Variants in PBX1 observed in about 807,000 individuals in gnomAD.
PBX1 encodes the protein PBX homeobox 1, also known as pre-B-cell leukemia transcription factor 1.
In PBX1, 6 loss-of-function variants were observed where a neutral mutation model predicts 53.4. The observed-to-expected ratio is 0.11, with a 90% CI of 0.06 to 0.22. The LOEUF (loss-of-function observed/expected upper bound fraction) is 0.22. Among genes scored for constraint, PBX1 ranks in the 10% least tolerant of loss-of-function variants. The pLI is 1.00. For synonymous variants in PBX1, 204 were observed against 212.3 expected, an observed-to-expected ratio of 0.96 and a Z score of 0.34; for missense variants, 251 against 551.4, an observed-to-expected ratio of 0.46 and a Z score of 5.46.
At chr1:164,721,459 A>G (rs1664402376) in intron 2 of PBX1, among the ~76,000 whole-genome samples, 1 of 152,012 alleles carries the variant, frequency 6.6e-6, no homozygotes, top group Non-Finnish European at 1.5e-5. Context: ...GTATTTTCTT[A>G]TACAGGACTG....
intron 2 of PBX1, among the ~76,000 whole-genome samples, chr1:164,631,779 G>A (rs1658425756): frequency 6.6e-6 from 1 of 152,212 alleles, no homozygotes; most frequent in Non-Finnish European, 1.5e-5. Flanking sequence ...ATTGTAGCAC[G>A]TGAAGGAAAT....
At chr1:164,578,146 T>C (rs1051746765) in intron 2 of PBX1, among the ~76,000 whole-genome samples, 2 of 152,146 alleles carry the variant, frequency 1.3e-5, no homozygotes, top group Non-Finnish European at 1.5e-5. Context: ...TCCATTTGGG[T>C]ATAAGTATGC....
At chr1:164,797,653 G>A (rs554038955) in intron 3 of PBX1, among the ~76,000 whole-genome samples, 71 of 152,200 alleles carry the variant, frequency 4.7e-4, no homozygotes, top group South Asian at 1.0e-3. Context: ...TTTACCAAGA[G>A]GGAAATTGAA....
chr1:164,622,305 AGGATGCTTCCGGT>A (rs1657734777), intron 2 of PBX1, among the ~76,000 whole-genome samples: 1 of 152,156 alleles, frequency 6.6e-6, no homozygotes, highest in African/African-American at 2.4e-5. Flanking sequence ...GTGAGTGCCT[AGGATGCTTCCGGT>A]GGATCTGTGT....
chr1:164,629,758 T>A (rs1658289624), intron 2 of PBX1, among the ~76,000 whole-genome samples: 1 of 152,236 alleles, frequency 6.6e-6, no homozygotes. Flanking sequence ...GGAGACCTCA[T>A]CTGGCAAATG....
Position 164,848,147 on chromosome 1 carries a change from T to C in PBX1, c.*1471T>C. 1 of 1,050,574 alleles carries C rather than the reference T, an allele frequency of 9.5e-7. No homozygotes were observed. Among genetic ancestry groups the C allele is most frequent in the Non-Finnish European group, 1.1e-6 (1 of 870,036 alleles). 65.1% of individuals were successfully genotyped at this position (1,050,574 alleles called of 1,614,324 possible). A position where few individuals can be genotyped will look rare whatever the true frequency, so the allele number is the denominator to read the frequency against. The stretch of plus-strand genomic sequence containing the variant: ...TCATGGGGAAAGGGAAGGTAATGTT[T>C]TCATTGAAATCATCACAGTGATTTT... On this transcript the variant is annotated 3_prime_UTR_variant, in exon 9 of 9. Transcript: ENST00000420696.
intron 2 of PBX1, among the ~76,000 whole-genome samples, chr1:164,865,772 A>G (rs1313563377): frequency 6.6e-6 from 1 of 152,144 alleles, no homozygotes; most frequent in African/African-American, 2.4e-5. Context: ...TGCTCTACAT[A>G]TCTATTGTCC....
At chr1:164,577,889 G>T (rs1654363312) in intron 2 of PBX1, among the ~76,000 whole-genome samples, 1 of 152,204 alleles carries the variant, frequency 6.6e-6, no homozygotes, top group African/African-American at 2.4e-5. Flanking sequence ...GGACGAAAGG[G>T]TTATTATGTA....
At chr1:164,879,871 A>G (rs1481676767) in intron 2 of PBX1, among the ~76,000 whole-genome samples, 1 of 152,134 alleles carries the variant, frequency 6.6e-6, no homozygotes, top group Non-Finnish European at 1.5e-5. Flanking sequence ...CTTAAGGGGG[A>G]AAAGAACCCT....
At chr1:164,621,399 A>C (rs1187659894) in intron 2 of PBX1, among the ~76,000 whole-genome samples, 1 of 152,186 alleles carries the variant, frequency 6.6e-6, no homozygotes, top group African/African-American at 2.4e-5. Context: ...AGAAACTATT[A>C]TGAACATTTT....
intron 8 of PBX1, among the ~76,000 whole-genome samples, chr1:164,836,685 A>G (rs1286137219): frequency 6.6e-6 from 1 of 152,112 alleles, no homozygotes; most frequent in Non-Finnish European, 1.5e-5. Context: ...GCTTCCCACT[A>G]TATCTCCCAC....
At chr1:164,820,897 G>A (rs1670117159) in intron 7 of PBX1, among the ~76,000 whole-genome samples, 1 of 152,178 alleles carries the variant, frequency 6.6e-6, no homozygotes, top group Non-Finnish European at 1.5e-5. Context: ...AGCCATGTCA[G>A]CCTAGTTTCC....
At chr1:164,641,317 G>T (rs948572803) in intron 2 of PBX1, 2 of 152,782 alleles carry the variant, frequency 1.3e-5, no homozygotes, top group African/African-American at 4.8e-5. Context: ...CTTGTCATTA[G>T]GGGCCCAGCA....
intron 2 of PBX1, among the ~76,000 whole-genome samples, chr1:164,654,524 AG>A (rs79861599): frequency 1.0e-5 from 1 of 95,360 alleles, no homozygotes; most frequent in Non-Finnish European, 3.0e-5. Flanking sequence ...GGTTTTTGAA[AG>A]ATATGGACAA....
intron 2 of PBX1, among the ~76,000 whole-genome samples, chr1:164,618,308 G>T (rs1053527762): frequency 6.9e-6 from 1 of 145,176 alleles, no homozygotes; most frequent in African/African-American, 2.5e-5. Context: ...GGGGGGGGGG[G>T]GGCACTCAAG....
chr1:164,631,070 A>G (rs1658383929), intron 2 of PBX1: 1 of 152,184 alleles, frequency 6.6e-6, no homozygotes, highest in Non-Finnish European at 1.5e-5. Context: ...GAGGAGTAAT[A>G]TATTAACCTT....
intron 2 of PBX1, among the ~76,000 whole-genome samples, chr1:164,661,527 A>G (rs1660493790): frequency 6.6e-6 from 1 of 151,734 alleles, no homozygotes; most frequent in African/African-American, 2.4e-5. Context: ...CCCGGGTTCA[A>G]ACAATTCTCC....
intron 2 of PBX1, among the ~76,000 whole-genome samples, chr1:164,634,943 C>A (rs1472387415): frequency 6.6e-6 from 1 of 151,902 alleles, no homozygotes; most frequent in Non-Finnish European, 1.5e-5. Context: ...TCATAGGTGA[C>A]AAGGGGCCAT....
intron 2 of PBX1, among the ~76,000 whole-genome samples, chr1:164,762,415 A>G (rs1666857774): frequency 6.6e-6 from 1 of 152,182 alleles, no homozygotes; most frequent in Non-Finnish European, 1.5e-5. Flanking sequence ...GATCCTACCT[A>G]CCCTTAGAGA....
Sources: allele counts gnomAD v4.1 joint callset (sites outside exome capture counted in the v4.1 genomes callset), GRCh38; gene constraint gnomAD v4.1.1; transcripts MANE v1.5; gene names NCBI Gene and HGNC (gene_info 2026-07-23, HGNC 2026-07-21).